CDC73: variants seen among roughly 807,000 people sequenced by gnomAD.
CDC73 encodes the protein cell division cycle 73, also known as parafibromin.
Under a neutral mutation model 83.7 loss-of-function variants are expected in CDC73, and 21 were observed. The ratio of observed to expected loss-of-function variants is 0.25; its 90% CI spans 0.18 to 0.36. The LOEUF (loss-of-function observed/expected upper bound fraction) is 0.36, where lower values mean the gene tolerates loss of function less well. CDC73 is among the 10% of genes least tolerant of loss of function. The pLI, the probability that CDC73 is intolerant of heterozygous loss-of-function variation, is 1.00. For missense variants in CDC73, 342 were observed against 653.3 expected, an observed-to-expected ratio of 0.52 and a Z score of 5.19; for synonymous variants, 224 against 212.9, an observed-to-expected ratio of 1.05 and a Z score of -0.45.
Position 193,181,588 on chromosome 1 carries a change from TGA to T in CDC73, c.973-22202_973-22201del, listed in dbSNP as rs765399636. The T allele has an allele frequency of 2.0e-6, 3 of 1,533,994 alleles. No individual in the cohort carries two copies. In the Admixed American group the frequency reaches 6.6e-5, roughly 34 times the overall value. ...GTTGTAAATATCCAGTAGTGGTATA[TGA>T]GAGATTGGTGACCAAAAATGTTTTC... is the stretch of plus-strand genomic sequence containing the variant. On this transcript the variant is annotated intron_variant, in intron 10 of 16. Coordinates refer to ENST00000367435, the MANE Select transcript of CDC73 (RefSeq NM_024529.5).
chr1:193,151,193 A>G (rs1257284141), intron 9 of CDC73, among the ~76,000 whole-genome samples: 1 of 152,208 alleles, frequency 6.6e-6, no homozygotes, highest in Non-Finnish European at 1.5e-5. Context: ...AAGCAACTGG[A>G]AGTTAATGAT....
intron 12 of CDC73, 139 bp from the exon 13 acceptor site, chr1:193,212,251 A>G: frequency 1.2e-6 from 1 of 836,170 alleles, no homozygotes; most frequent in Non-Finnish European, 1.9e-6. Flanking sequence ...ATTATTAAAT[A>G]TTTTTTAATA....
intron 3 of CDC73, among the ~76,000 whole-genome samples, chr1:193,132,413 A>T (rs751457492): frequency 6.6e-6 from 1 of 152,176 alleles, no homozygotes; most frequent in East Asian, 1.9e-4. Flanking sequence ...AAAGTTTAGA[A>T]CCCAGCAGTA....
rs1558285057 is a variant in CDC73 at position 193,142,086 on chromosome 1, C to CA, written c.729+21dup. ...GGAAAGGTAATTAAAATATTTTACT[C>CA]ATTCATTGGAGTGAGAGAGAGAGAG... On this transcript the variant is annotated intron_variant, in intron 7 of 16. Transcript: ENST00000367435. 1.3e-6 allele frequency: 2 copies of CA among 1,564,370 alleles called. No homozygotes were observed. Among genetic ancestry groups the CA allele is most frequent in the Admixed American group, 1.7e-5 (1 of 59,882 alleles).
At chr1:193,156,948 A>G (rs756443184) in intron 10 of CDC73, among the ~76,000 whole-genome samples, 5 of 152,128 alleles carry the variant, frequency 3.3e-5, no homozygotes, top group Non-Finnish European at 7.3e-5. Context: ...TTGGGGAGGG[A>G]CACATTAGTC....
Position 193,253,474 on chromosome 1 carries a change from G to T in CDC73, c.*2762G>T. 4.3e-6 allele frequency: 1 copy of T among 232,272 alleles called. No individual in the cohort carries two copies. The highest frequency in any genetic ancestry group is 8.5e-6 in the Non-Finnish European group (1 of 117,532). 14.4% of individuals were successfully genotyped at this position (232,272 alleles called of 1,614,324 possible). ...ACCATCCCTTTTATTGGTGGTATTG[G>T]CCTATATTCCCATTGACAAATGCAA... On this transcript the variant is annotated 3_prime_UTR_variant, in exon 17 of 17. Coordinates refer to ENST00000367435, the MANE Select transcript of CDC73 (RefSeq NM_024529.5).
At chr1:193,164,042 AT>A (rs1452912466) in intron 10 of CDC73, among the ~76,000 whole-genome samples, 1 of 152,192 alleles carries the variant, frequency 6.6e-6, no homozygotes, top group Non-Finnish European at 1.5e-5. Flanking sequence ...AAGTGCTGGG[AT>A]TGCAAGCATG....
rs771545477 is a variant in CDC73, at chr1:193,251,077, C to A, written c.*365C>A. On this transcript the variant is annotated 3_prime_UTR_variant, in exon 17 of 17. Transcript: ENST00000367435. The stretch of plus-strand genomic sequence containing the variant: ...TCTGATTTTTCATTGCTCTATAATT[C>A]TTTTTACTGAAAATACTATGTTATG... 2 of 292,942 alleles carry A rather than the reference C, an allele frequency of 6.8e-6. No individual in the cohort carries two copies. Among genetic ancestry groups the A allele is most frequent in the Non-Finnish European group, 1.3e-5 (2 of 155,098 alleles). 18.1% of individuals were successfully genotyped at this position (292,942 alleles called of 1,614,324 possible).
chr1:193,168,912 T>G (rs1201459908), intron 10 of CDC73, among the ~76,000 whole-genome samples: 1 of 152,228 alleles, frequency 6.6e-6, no homozygotes, highest in African/African-American at 2.4e-5. Flanking sequence ...GATGCTACAA[T>G]TTGAATTTCG....
Position 193,162,582 on chromosome 1 carries a change from T to C in CDC73, c.972+10138T>C, listed in dbSNP as rs9701593. Among the ~76,000 whole-genome samples the C allele has an allele frequency of 1.7e-3, 258 of 151,984 alleles. 4 individuals are homozygous for C. In the East Asian group the frequency reaches 0.045, roughly 26 times the overall value. On this transcript the variant is annotated intron_variant, in intron 10 of 16. Coordinates refer to ENST00000367435, the MANE Select transcript of CDC73 (RefSeq NM_024529.5). The stretch of plus-strand genomic sequence containing the variant: ...AGAGATTTCACCATGTTGGCCATGC[T>C]GGTCTCGAACTCCTGACCTCAAGTA...
Position 193,147,923 on chromosome 1 carries a change from G to A in CDC73, c.786G>A (p.Gly262=), listed in dbSNP as rs764471804. The change falls in exon 8 of 17, where the codon GGG becomes GGA. Residue 262 remains glycine (G), a synonymous_variant. Coordinates refer to ENST00000367435, the MANE Select transcript of CDC73 (RefSeq NM_024529.5). ...ILQSVKAREE[G]RAPEQRPAPN... ...AATCTGTAAAAGCCAGAGAAGAAGGGCGTGCACCTGAACAGCGACCTGCCC... is the reference window on the plus strand; with the variant it reads ...AATCTGTAAAAGCCAGAGAAGAAGGACGTGCACCTGAACAGCGACCTGCCC... 1 of 1,613,738 alleles carries A rather than the reference G, an allele frequency of 6.2e-7. No homozygotes were observed. The highest frequency in any genetic ancestry group is 8.5e-7 in the Non-Finnish European group (1 of 1,179,670).
chr1:193,128,059 G>C (rs1412457756), intron 2 of CDC73: 2 of 152,176 alleles, frequency 1.3e-5, no homozygotes, highest in African/African-American at 4.8e-5. Flanking sequence ...AAAGTGTTGG[G>C]ATTACAGGCG....
chr1:193,181,004 T>TGG, intron 10 of CDC73: 1 of 1,613,644 alleles, frequency 6.2e-7, no homozygotes. Context: ...AAAAATATTC[T>TGG]TGTGATTTGA....
intron 15 of CDC73, among the ~76,000 whole-genome samples, chr1:193,240,375 C>T (rs1356161519): frequency 2.0e-5 from 3 of 152,300 alleles, no homozygotes; most frequent in Middle Eastern, 6.8e-3. Context: ...TTGAAAAATA[C>T]CCAGTAGTAG....
At chr1:193,224,180 A>G (rs776889090) in intron 13 of CDC73, among the ~76,000 whole-genome samples, 6 of 151,768 alleles carry the variant, frequency 4.0e-5, no homozygotes, top group Admixed American at 6.6e-5. Flanking sequence ...GATAACTACC[A>G]GACTACTCAC....
intron 13 of CDC73, among the ~76,000 whole-genome samples, chr1:193,231,291 C>T (rs947239805): frequency 6.6e-6 from 1 of 152,070 alleles, no homozygotes; most frequent in African/African-American, 2.4e-5. Context: ...CAGTTTAAAT[C>T]CCATGTAGTT....
At chr1:193,133,469 A>G (rs375755567) in intron 3 of CDC73, among the ~76,000 whole-genome samples, 19 of 152,332 alleles carry the variant, frequency 1.2e-4, no homozygotes, top group Middle Eastern at 6.8e-3. Context: ...GTAGAAGAGC[A>G]TTGAGAAAAG....
intron 8 of CDC73, 118 bp downstream of exon 8, chr1:193,148,083 C>T: frequency 2.7e-6 from 2 of 746,762 alleles, no homozygotes; most frequent in Middle Eastern, 2.3e-4. Context: ...CCTTTTGCTC[C>T]TTTAGCATAT....
intron 15 of CDC73, among the ~76,000 whole-genome samples, chr1:193,238,668 T>C (rs1057436723): frequency 2.6e-5 from 4 of 152,202 alleles, no homozygotes; most frequent in African/African-American, 9.7e-5. Context: ...ACTGGATGCC[T>C]TAACTGATAA....
Sources: allele counts gnomAD v4.1 joint callset (sites outside exome capture counted in the v4.1 genomes callset), GRCh38; gene constraint gnomAD v4.1.1; transcripts MANE v1.5; gene names NCBI Gene and HGNC (gene_info 2026-07-23, HGNC 2026-07-21).